Variants in ANXA2 observed in about 807,000 individuals in gnomAD.
The protein encoded by ANXA2 is annexin II.
Under a neutral mutation model 47.3 loss-of-function variants are expected in ANXA2, and 28 were observed. The ratio of observed to expected loss-of-function variants is 0.59; its 90% CI spans 0.44 to 0.81. ANXA2 has a LOEUF of 0.81. ANXA2 is among the 40% of genes least tolerant of loss of function. ANXA2 has a pLI of 0.00. For missense variants in ANXA2, 384 were observed against 414.3 expected (o/e 0.93, Z 0.64); for synonymous variants, 172 against 155.5 (o/e 1.11, Z -0.79).
At chr15:60,376,269 C>T (rs912170561) in intron 3 of ANXA2, among the ~76,000 whole-genome samples, 25 of 152,194 alleles carry the variant, frequency 1.6e-4, no homozygotes, top group Middle Eastern at 3.4e-3. Flanking sequence ...GTAATCCCAG[C>T]TACTCGGGAG....
intron 1 of ANXA2, chr15:60,387,161 G>A (rs2062944591): frequency 6.6e-6 from 1 of 152,196 alleles, no homozygotes. Context: ...CCTGGTGTGG[G>A]AAGAAAGTGG....
chr15:60,389,362 C>T (rs1054390703), intron 1 of ANXA2, among the ~76,000 whole-genome samples: 4 of 152,150 alleles, frequency 2.6e-5, no homozygotes, highest in African/African-American at 9.7e-5. Flanking sequence ...TAGAAAATCT[C>T]AACTAGAGGC....
intron 4 of ANXA2, chr15:60,361,377 G>T (rs1566935274): frequency 7.2e-6 from 2 of 279,244 alleles, no homozygotes; most frequent in Non-Finnish European, 1.4e-5. Context: ...CTTGAAAGCA[G>T]TAACACTCCG....
chr15:60,369,523 C>T (rs902181730), intron 3 of ANXA2, among the ~76,000 whole-genome samples: 6 of 152,198 alleles, frequency 3.9e-5, no homozygotes, highest in Admixed American at 3.3e-4. Flanking sequence ...AACAGTGACC[C>T]ATAAAAAAGT....
chr15:60,351,972 A>T (rs975059121), intron 9 of ANXA2, among the ~76,000 whole-genome samples, 153 bp from the exon 10 acceptor site: 1 of 152,196 alleles, frequency 6.6e-6, no homozygotes, highest in Non-Finnish European at 1.5e-5. Flanking sequence ...GACCAGAGCC[A>T]ACATTGGCCA....
At chr15:60,371,917 C>G (rs1237898772) in intron 3 of ANXA2, among the ~76,000 whole-genome samples, 1 of 152,130 alleles carries the variant, frequency 6.6e-6, no homozygotes, top group African/African-American at 2.4e-5. Context: ...TTTGGGAGGC[C>G]AAGGTGGGCG....
chr15:60,382,880 T>C (rs2062881941), intron 2 of ANXA2: 1 of 155,930 alleles, frequency 6.4e-6, no homozygotes, highest in African/African-American at 2.4e-5. Context: ...TGGGCCAGTG[T>C]TGCTGAGCTT....
At chr15:60,350,542 C>T (rs1029668718) in intron 11 of ANXA2, among the ~76,000 whole-genome samples, 26 of 152,114 alleles carry the variant, frequency 1.7e-4, no homozygotes, top group Admixed American at 3.3e-4. Flanking sequence ...GCAGAGGCAG[C>T]ACAGACAAGG....
intron 11 of ANXA2, among the ~76,000 whole-genome samples, chr15:60,350,340 C>T (rs1466821358): frequency 6.6e-6 from 1 of 152,132 alleles, no homozygotes; most frequent in Non-Finnish European, 1.5e-5. Flanking sequence ...TCAGTTCAAG[C>T]AGTCTGAGTC....
intron 1 of ANXA2, 122 bp downstream of exon 1, chr15:60,397,819 GCC>G (rs778208824): frequency 7.4e-7 from 1 of 1,350,906 alleles, no homozygotes. Context: ...TCAGCCCCCT[GCC>G]CCCGACGGCC....
intron 11 of ANXA2, among the ~76,000 whole-genome samples, chr15:60,350,607 A>G (rs1001042520): frequency 1.3e-5 from 2 of 152,300 alleles, no homozygotes; most frequent in South Asian, 2.1e-4. Flanking sequence ...CACATGGCAC[A>G]CTTGAGGTGT....
At chr15:60,378,632 G>T (rs1032648109) in intron 3 of ANXA2, among the ~76,000 whole-genome samples, 1 of 152,110 alleles carries the variant, frequency 6.6e-6, no homozygotes, top group Admixed American at 6.5e-5. Flanking sequence ...AGGACCAATG[G>T]ACTTGCAAAA....
intron 3 of ANXA2, among the ~76,000 whole-genome samples, chr15:60,365,534 C>G (rs1239714320): frequency 6.6e-6 from 1 of 152,104 alleles, no homozygotes; most frequent in Non-Finnish European, 1.5e-5. Context: ...ATGGCTTGGC[C>G]TGAAGAAAAT....
chr15:60,396,320 C>T (rs1388186297), intron 1 of ANXA2: 1 of 152,140 alleles, frequency 6.6e-6, no homozygotes, highest in African/African-American at 2.4e-5. Flanking sequence ...CTGCTAGTCT[C>T]TAGCTGGATG....
intron 1 of ANXA2, chr15:60,392,969 T>A: frequency 9.2e-7 from 1 of 1,088,066 alleles, no homozygotes; most frequent in Non-Finnish European, 1.2e-6. Flanking sequence ...AAAAATGTAC[T>A]GGGTGAGGAG....
At chr15:60,367,341 T>C (rs1327320680) in intron 3 of ANXA2, among the ~76,000 whole-genome samples, 1 of 89,280 alleles carries the variant, frequency 1.1e-5, no homozygotes, top group African/African-American at 4.6e-5. Flanking sequence ...CCGCCCCTAC[T>C]GGAAAGTGAG....
chr15:60,370,691 G>A (rs182761072), intron 3 of ANXA2, among the ~76,000 whole-genome samples: 63 of 152,286 alleles, frequency 4.1e-4, no homozygotes, highest in African/African-American at 1.4e-3. Flanking sequence ...CAGGACACCA[G>A]AAAAGCTCTA....
At chr15:60,354,619 CAAAAA>C (rs5813019) in intron 7 of ANXA2, among the ~76,000 whole-genome samples, 6 of 109,292 alleles carry the variant, frequency 5.5e-5, no homozygotes, top group Non-Finnish European at 5.3e-5. Flanking sequence ...GACTCTGTCT[CAAAAA>C]AAAAAAAAAA....
intron 3 of ANXA2, among the ~76,000 whole-genome samples, chr15:60,375,519 C>A (rs566920776): frequency 4.9e-4 from 75 of 152,310 alleles, no homozygotes; most frequent in African/African-American, 1.7e-3. Flanking sequence ...TACACGCCAT[C>A]GTATATATTT....
Sources: allele counts gnomAD v4.1 joint callset (sites outside exome capture counted in the v4.1 genomes callset), GRCh38; gene constraint gnomAD v4.1.1; transcripts MANE v1.5; gene names NCBI Gene and HGNC (gene_info 2026-07-23, HGNC 2026-07-21).